FAM228B: variants seen among roughly 807,000 people sequenced by gnomAD.
FAM228B encodes protein FAM228B.
In FAM228B, 38 loss-of-function variants were observed where a neutral mutation model predicts 42.6. That is an observed-to-expected ratio of 0.89 (90% CI 0.69 to 1.17). The LOEUF is 1.17. FAM228B is among the 50% of genes most tolerant of loss of function. The probability of loss-of-function intolerance (pLI) is 0.00; values close to 1 mark genes in which losing one functional copy is unlikely to be tolerated. For missense variants in FAM228B, 344 were observed against 367.3 expected (o/e 0.94, Z 0.52); for synonymous variants, 109 against 122.3 (o/e 0.89, Z 0.72).
intron 9 of FAM228B, chr2:24,165,547 C>T (rs897529705): frequency 6.6e-6 from 3 of 455,780 alleles, no homozygotes; most frequent in Non-Finnish European, 4.5e-6. Context: ...AGCCCCCAGC[C>T]CCTAGCAGCA....
chr2:24,115,213 T>C (rs996366722), intron 3 of FAM228B, among the ~76,000 whole-genome samples: 3 of 152,218 alleles, frequency 2.0e-5, no homozygotes, highest in South Asian at 2.1e-4. Flanking sequence ...TCAAGGTTGC[T>C]TGCTGCAACC....
At chr2:24,141,175 A>C (rs1666736808) in intron 5 of FAM228B, among the ~76,000 whole-genome samples, 2 of 151,812 alleles carry the variant, frequency 1.3e-5, no homozygotes, top group South Asian at 4.2e-4. Flanking sequence ...CCTGGGTTCA[A>C]GCGATTCTCC....
At chr2:24,136,303 T>A (rs1485222347) in intron 3 of FAM228B, among the ~76,000 whole-genome samples, 1 of 152,096 alleles carries the variant, frequency 6.6e-6, no homozygotes, top group South Asian at 2.1e-4. Context: ...CTCGGCTCAC[T>A]GCAACTTCCA....
chr2:24,110,593 TG>T (rs1665774858), intron 3 of FAM228B, among the ~76,000 whole-genome samples: 1 of 152,226 alleles, frequency 6.6e-6, no homozygotes, highest in African/African-American at 2.4e-5. Context: ...CTCCATGTGC[TG>T]GGAGGCGCAT....
Position 24,155,531 on chromosome 2 carries a change from A to AT in FAM228B, c.687-5949dup, listed in dbSNP as rs70944720. ...TATATATATATATATATATATATATATTTTTTTTTTTTTTTTTTTTTTTTT... is the reference window on the plus strand; with the variant it reads ...TATATATATATATATATATATATATATTTTTTTTTTTTTTTTTTTTTTTTTT... On this transcript the variant is annotated intron_variant, in intron 7 of 10. Coordinates refer to ENST00000615575, the MANE Select transcript of FAM228B (RefSeq NM_001145710.2). Among the ~76,000 whole-genome samples the AT allele has an allele frequency of 4.8e-3, 63 of 13,042 alleles. 5 individuals are homozygous for AT. The highest frequency in any genetic ancestry group is 0.027 in the South Asian group (7 of 262). 8.6% of individuals were successfully genotyped at this position (13,042 alleles called of 152,430 possible).
chr2:24,141,746 C>T (rs557088982), intron 5 of FAM228B, among the ~76,000 whole-genome samples: 2 of 152,264 alleles, frequency 1.3e-5, no homozygotes, highest in Non-Finnish European at 2.9e-5. Flanking sequence ...TTTGTTAGAA[C>T]TGGTATTGGC....
intron 1 of FAM228B, among the ~76,000 whole-genome samples, chr2:24,078,626 T>G (rs1260981374): frequency 6.6e-6 from 1 of 152,122 alleles, no homozygotes; most frequent in Non-Finnish European, 1.5e-5. Context: ...CCTCCAAATG[T>G]GTAACTTCTG....
In FAM228B at chr2:24,136,575, C is replaced by T. The variant is rs573022410; in HGVS notation, c.169-1334C>T. 6.6e-5 allele frequency among the ~76,000 whole-genome samples: 10 copies of T among 152,122 alleles called. No individual in the cohort carries two copies. In the South Asian group the frequency reaches 2.1e-3, roughly 32 times the overall value. On this transcript the variant is annotated intron_variant, in intron 3 of 10. Coordinates refer to ENST00000615575, the MANE Select transcript of FAM228B (RefSeq NM_001145710.2). ...ACGGAGTCTGACTATTTTCCCCAGG[C>T]TAGACTTGAATTCCTGGGCTCATGT...
intron 3 of FAM228B, among the ~76,000 whole-genome samples, chr2:24,107,140 A>T (rs1665715681): frequency 6.6e-6 from 1 of 152,214 alleles, no homozygotes; most frequent in South Asian, 2.1e-4. Context: ...ATAATTTCAG[A>T]CAAAATGGAC....
At chr2:24,096,060 T>G (rs1460314779) in intron 3 of FAM228B, 1 of 152,104 alleles carries the variant, frequency 6.6e-6, no homozygotes, top group African/African-American at 2.4e-5. Flanking sequence ...GAAGGAAAAC[T>G]GAAAAACAGA....
intron 7 of FAM228B, among the ~76,000 whole-genome samples, chr2:24,159,989 ATTTT>A (rs35525139): frequency 1.8e-5 from 2 of 113,882 alleles, no homozygotes; most frequent in Non-Finnish European, 3.9e-5. Flanking sequence ...TTTTCTTTTC[ATTTT>A]TTTTTTTTTT....
At chr2:24,129,306 C>CTT (rs57641483) in intron 2 of FAM228B, among the ~76,000 whole-genome samples, 3 of 139,432 alleles carry the variant, frequency 2.2e-5, no homozygotes, top group African/African-American at 2.6e-5. Context: ...TCTATTTTAT[C>CTT]TTTTTTTTTT....
upstream of FAM228B, chr2:24,121,071 ATC>A (rs1276404968): frequency 2.0e-6 from 3 of 1,486,874 alleles, no homozygotes; most frequent in Admixed American, 3.8e-5. Flanking sequence ...AATGGATTTA[ATC>A]TGTTTTACAG....
chr2:24,153,715 A>G (rs1259627832), intron 7 of FAM228B, among the ~76,000 whole-genome samples: 2 of 152,148 alleles, frequency 1.3e-5, no homozygotes, highest in African/African-American at 4.8e-5. Context: ...GTGTCTCCCT[A>G]GGTCACGTGC....
upstream of FAM228B, chr2:24,119,807 A>G: frequency 3.2e-6 from 2 of 624,858 alleles, no homozygotes; most frequent in African/African-American, 1.8e-5. Flanking sequence ...TGGAATATAC[A>G]TATTCCGTAT....
At chr2:24,167,080 G>T (rs1030012307) in intron 9 of FAM228B, among the ~76,000 whole-genome samples, 1 of 152,258 alleles carries the variant, frequency 6.6e-6, no homozygotes, top group East Asian at 1.9e-4. Flanking sequence ...GAGTAGGGGG[G>T]AAATCATATC....
intron 1 of FAM228B, 140 bp from the exon 2 acceptor site, chr2:24,124,190 G>GT (rs1224153187): frequency 2.9e-5 from 16 of 547,398 alleles, no homozygotes; most frequent in Non-Finnish European, 4.2e-5. Context: ...GGAGTCTGTA[G>GT]TGAAGGCCTC....
In FAM228B at chr2:24,084,541, G is replaced by A; in HGVS notation, c.-210+3586G>A. The A allele has an allele frequency of 1.6e-6, 1 of 606,954 alleles. No homozygotes were observed. The highest frequency in any genetic ancestry group is 2.6e-5 in the South Asian group (1 of 39,198). 37.6% of individuals were successfully genotyped at this position (606,954 alleles called of 1,614,324 possible). A position where few individuals can be genotyped will look rare whatever the true frequency, so the allele number is the denominator to read the frequency against. On this transcript the variant is annotated intron_variant, in intron 2 of 10. Transcript: ENST00000613899. This position sits in a 1 kb window ranked among gnomAD's most constrained non-coding sequence, Gnocchi z 8.4. ...GCCTCCGCCCCGAGCTCCTGCCTGG[G>A]AAGTCCTCGGCCGCCTCCAGACCGA...
rs899619458 is a variant in FAM228B at position 24,080,899 on chromosome 2, A to T, written c.-266A>T. On this transcript the variant is annotated 5_prime_UTR_variant, in exon 2 of 11. Transcript: ENST00000613899. This position sits in a 1 kb window ranked among gnomAD's most constrained non-coding sequence, Gnocchi z 4.7. ...AGCAGCTGCTCCAAGCTTTTCTGCC[A>T]TTTGAAGCTTCTTCTGGGAGCCAGC... 19 of 1,614,070 alleles carry T rather than the reference A, an allele frequency of 1.2e-5. No individual in the cohort carries two copies. Among genetic ancestry groups the T allele is most frequent in the East Asian group, 8.9e-5 (4 of 44,888 alleles).
Sources: allele counts gnomAD v4.1 joint callset (sites outside exome capture counted in the v4.1 genomes callset), GRCh38; gene constraint gnomAD v4.1.1; non-coding constraint Gnocchi (gnomAD v3.1); transcripts MANE v1.5; gene names NCBI Gene and HGNC (gene_info 2026-07-23, HGNC 2026-07-21).